The following RNF17 variants were observed in gnomAD, a reference collection of about 807,000 sequenced individuals.
RNF17 encodes spermatogenesis associated 23.
RNF17 carries 31 observed loss-of-function variants against 200.5 expected under a neutral mutation model. The ratio of observed to expected loss-of-function variants is 0.15; its 90% CI spans 0.12 to 0.21. The LOEUF (loss-of-function observed/expected upper bound fraction) is 0.21, where lower values mean the gene tolerates loss of function less well. RNF17 is among the 10% of genes least tolerant of loss of function. The pLI, the probability that RNF17 is intolerant of heterozygous loss-of-function variation, is 1.00. For missense variants in RNF17, 1,628 were observed against 1,905.1 expected, an observed-to-expected ratio of 0.85 and a Z score of 2.71; for synonymous variants, 606 against 637.8, an observed-to-expected ratio of 0.95 and a Z score of 0.75.
chr13:24,880,970 GTTTA>G (rs141332072), downstream of RNF17, among the ~76,000 whole-genome samples: 34 of 152,160 alleles, frequency 2.2e-4, no homozygotes, highest in African/African-American at 7.9e-4. Context: ...TCCGTCACTT[GTTTA>G]TTGCTTGTTC....
At chr13:24,863,060 TATTAA>T (rs1305280037) in intron 28 of RNF17, among the ~76,000 whole-genome samples, 2 of 152,194 alleles carry the variant, frequency 1.3e-5, no homozygotes, top group Non-Finnish European at 2.9e-5. Context: ...CAGGGAGCAG[TATTAA>T]ATTGTTGGAC....
chr13:24,822,631 G>A (rs1008692605), intron 15 of RNF17, among the ~76,000 whole-genome samples: 1 of 152,138 alleles, frequency 6.6e-6, no homozygotes, highest in Non-Finnish European at 1.5e-5. Context: ...ATGTTGGCCT[G>A]GCTGGTCTCG....
At chr13:24,794,360 T>G (rs951643476) in intron 10 of RNF17, 1 of 346,824 alleles carries the variant, frequency 2.9e-6, no homozygotes, top group African/African-American at 2.2e-5. Flanking sequence ...CTAAAACATA[T>G]TACTTTCTAA....
intron 18 of RNF17, among the ~76,000 whole-genome samples, chr13:24,833,121 A>AT (rs1240290500): frequency 6.6e-6 from 1 of 152,114 alleles, no homozygotes; most frequent in Non-Finnish European, 1.5e-5. Flanking sequence ...GGCTTAATGA[A>AT]TAGTAGTGCA....
intron 33 of RNF17, among the ~76,000 whole-genome samples, chr13:24,874,559 G>A (rs557219061): frequency 4.6e-5 from 7 of 151,926 alleles, no homozygotes; most frequent in Non-Finnish European, 8.8e-5. Context: ...ACAGGTGCCC[G>A]CCACCATCCC....
chr13:24,885,959 G>A, the RNF17 span: 18 of 445,606 alleles, frequency 4.0e-5, no homozygotes, highest in Non-Finnish European at 7.4e-5. Context: ...ATCACAAGGT[G>A]TAAGGTGCAG....
intron 6 of RNF17, among the ~76,000 whole-genome samples, chr13:24,785,644 T>C (rs1045307918): frequency 1.3e-5 from 2 of 152,176 alleles, no homozygotes; most frequent in African/African-American, 4.8e-5. Flanking sequence ...AATTTATTGC[T>C]TTATTGATTC....
At chr13:24,877,276 G>A (rs577528303) in intron 34 of RNF17, 90 bp downstream of exon 34, 12 of 1,013,074 alleles carry the variant, frequency 1.2e-5, no homozygotes, top group Admixed American at 2.2e-5. Flanking sequence ...GTCTACATGC[G>A]AGAGTATACT....
At chr13:24,802,710 T>C in intron 14 of RNF17, 139 bp downstream of exon 14, 1 of 621,578 alleles carries the variant, frequency 1.6e-6, no homozygotes, top group Non-Finnish European at 2.7e-6. Context: ...TCTTAGACTT[T>C]TCTGAGTACA....
chr13:24,878,876 C>T (rs1185444757), intron 34 of RNF17, among the ~76,000 whole-genome samples: 2 of 152,144 alleles, frequency 1.3e-5, no homozygotes, highest in African/African-American at 2.4e-5. Flanking sequence ...TTAACCATCA[C>T]AGTCAGTTTA....
At chr13:24,749,466 G>A in the RNF17 span, among the ~76,000 whole-genome samples, 1 of 152,004 alleles carries the variant, frequency 6.6e-6, no homozygotes, top group Non-Finnish European at 1.5e-5. Context: ...ACCACATCCA[G>A]CTGGCCTAGA....
At chr13:24,777,352 G>A (rs958412752) in intron 3 of RNF17, among the ~76,000 whole-genome samples, 1 of 152,184 alleles carries the variant, frequency 6.6e-6, no homozygotes, top group Non-Finnish European at 1.5e-5. Flanking sequence ...TAGTTACTGT[G>A]TGCTAGCCAA....
chr13:24,886,701 A>G, the RNF17 span, among the ~76,000 whole-genome samples: 7 of 152,228 alleles, frequency 4.6e-5, no homozygotes, highest in Non-Finnish European at 8.8e-5. Flanking sequence ...AAACTAAACT[A>G]TAACTAAAGC....
chr13:24,764,095 C>A, upstream of RNF17: 1 of 1,096,508 alleles, frequency 9.1e-7, no homozygotes, highest in Non-Finnish European at 1.3e-6. Flanking sequence ...CTTTAATCTC[C>A]CGGCCCACTG....
At chr13:24,813,287 A>G (rs1163617423) in intron 15 of RNF17, among the ~76,000 whole-genome samples, 1 of 151,988 alleles carries the variant, frequency 6.6e-6, no homozygotes, top group Non-Finnish European at 1.5e-5. Context: ...AGCCTCCCAT[A>G]TTGCTAGTAC....
At position 24,793,148 on chromosome 13, in the gene RNF17, G is replaced by T. The variant is rs1884094303; in HGVS notation, c.1042G>T (p.Val348Phe). ...DTYPPLEKKK[V>F]DMSVLTSEAP... ...ATACCCACCGCTAGAAAAGAAAAAG[G>T]TTGACATGTCTGTCCTAACCAGTGA... Residue 348 changes from valine (V) to phenylalanine (F), a missense_variant, in exon 10 of 36, where the codon GTT becomes TTT. Physicochemically the swap from Val to Phe is conservative, Grantham distance 50. Transcript: ENST00000255324. 1.2e-6 allele frequency: 2 copies of T among 1,613,876 alleles called. No individual in the cohort carries two copies. The highest frequency in any genetic ancestry group is 2.2e-5 in the South Asian group (2 of 91,080).
chr13:24,833,335 G>T (rs1263002336), intron 18 of RNF17, among the ~76,000 whole-genome samples: 1 of 152,188 alleles, frequency 6.6e-6, no homozygotes, highest in Non-Finnish European at 1.5e-5. Context: ...ACAAGAAATT[G>T]TTCTAAAGAA....
chr13:24,782,657 C>T (rs1038958948), intron 6 of RNF17, among the ~76,000 whole-genome samples: 19 of 151,628 alleles, frequency 1.3e-4, no homozygotes, highest in South Asian at 4.2e-4. Context: ...GGCAACACAG[C>T]GAGACTCCAT....
chr13:24,877,247 GTGTT>G (rs1894959116), intron 34 of RNF17, 61 bp downstream of exon 34: 11 of 1,440,596 alleles, frequency 7.6e-6, no homozygotes, highest in Middle Eastern at 2.1e-4. Context: ...ACTTTGTAAA[GTGTT>G]TGTTTCTATG....
Sources: gnomAD v4.1 joint callset for allele counts (sites outside exome capture counted in the v4.1 genomes callset) on GRCh38, gnomAD v4.1.1 for gene constraint, MANE v1.5 for transcripts, NCBI Gene and HGNC (gene_info 2026-07-23, HGNC 2026-07-21) for gene names.